Variants in MAD1L1 observed in about 807,000 individuals in gnomAD.
MAD1L1 encodes mitotic spindle assembly checkpoint protein MAD1.
MAD1L1 carries 95 observed loss-of-function variants against 96.9 expected under a neutral mutation model. That is an observed-to-expected ratio of 0.98 (90% CI 0.83 to 1.16). MAD1L1 has a LOEUF of 1.16. Ranked by LOEUF, MAD1L1 falls within the 50% of genes most tolerant of loss-of-function variation. The pLI, the probability that MAD1L1 is intolerant of heterozygous loss-of-function variation, is 0.00. For synonymous variants in MAD1L1, 473 were observed against 396.6 expected (o/e 1.19, Z -2.29); for missense variants, 1,007 against 954.4 (o/e 1.06, Z -0.73).
intron 18 of MAD1L1, among the ~76,000 whole-genome samples, chr7:1,894,452 C>G (rs1786740515): frequency 1.3e-5 from 2 of 152,192 alleles, no homozygotes. Context: ...AACCAGCCAA[C>G]AGGGATCCCG....
intron 11 of MAD1L1, chr7:2,079,746 G>A (rs529758631): frequency 6.8e-5 from 32 of 470,820 alleles, no homozygotes; most frequent in Middle Eastern, 3.2e-4. Flanking sequence ...GGGGAGCCCC[G>A]GCAAGCACGG....
intron 18 of MAD1L1, among the ~76,000 whole-genome samples, chr7:1,866,974 T>C (rs192119949): frequency 3.3e-5 from 5 of 151,528 alleles, no homozygotes; most frequent in Admixed American, 2.0e-4. Flanking sequence ...AGCTCGGAGG[T>C]AGGGGAGGTA....
intron 17 of MAD1L1, among the ~76,000 whole-genome samples, chr7:1,914,027 C>CG (rs920407111): frequency 1.3e-5 from 2 of 152,018 alleles, no homozygotes; most frequent in African/African-American, 4.8e-5. Flanking sequence ...GTCTCCCCCC[C>CG]CAGCACGCCT....
At chr7:1,838,646 G>A in intron 18 of MAD1L1, 1 of 418,542 alleles carries the variant, frequency 2.4e-6, no homozygotes, top group Non-Finnish European at 5.1e-6. Context: ...AGACAACACA[G>A]ACAGCGGCTG....
At chr7:2,179,462 A>G (rs1261003588) in intron 10 of MAD1L1, among the ~76,000 whole-genome samples, 1 of 150,138 alleles carries the variant, frequency 6.7e-6, no homozygotes, top group Non-Finnish European at 1.5e-5. Context: ...CGGGAGGTAG[A>G]GGTTGCAGTG....
chr7:1,913,077 T>G (rs1239952765), intron 17 of MAD1L1, among the ~76,000 whole-genome samples: 1 of 152,240 alleles, frequency 6.6e-6, no homozygotes, highest in Non-Finnish European at 1.5e-5. Flanking sequence ...TCTGTCTGCT[T>G]TCGGCAAGAC....
intron 18 of MAD1L1, among the ~76,000 whole-genome samples, chr7:1,891,664 C>A (rs114577854): frequency 0.018 from 2,755 of 152,302 alleles, 71 homozygotes; most frequent in African/African-American, 0.062. Context: ...ACCGCAGCCT[C>A]TAACTCCTGG....
chr7:2,014,234 G>A (rs891827675), intron 13 of MAD1L1, among the ~76,000 whole-genome samples: 14 of 152,214 alleles, frequency 9.2e-5, no homozygotes, highest in African/African-American at 1.7e-4. Flanking sequence ...ACCAGTCAAA[G>A]GGGCACTGTC....
intron 18 of MAD1L1, among the ~76,000 whole-genome samples, chr7:1,863,124 C>T (rs756444964): frequency 6.6e-6 from 1 of 152,266 alleles, no homozygotes; most frequent in Non-Finnish European, 1.5e-5. Context: ...GAGCCCCAAG[C>T]CCCGCAAGCC....
At chr7:1,911,139 C>T (rs1377549282) in intron 17 of MAD1L1, among the ~76,000 whole-genome samples, 1 of 152,162 alleles carries the variant, frequency 6.6e-6, no homozygotes, top group Admixed American at 6.5e-5. Flanking sequence ...CTCCATCCCC[C>T]GCACCCCTTG....
chr7:2,069,754 G>C (rs1308865716), intron 11 of MAD1L1, among the ~76,000 whole-genome samples: 1 of 152,248 alleles, frequency 6.6e-6, no homozygotes, highest in Admixed American at 6.5e-5. Flanking sequence ...AACATTCTGT[G>C]AGGTTGAAAG....
intron 18 of MAD1L1, among the ~76,000 whole-genome samples, chr7:1,816,608 A>G (rs1760753025): frequency 6.6e-6 from 1 of 152,030 alleles, no homozygotes; most frequent in African/African-American, 2.4e-5. Flanking sequence ...AAGTCCTGCA[A>G]CGCCTTCCAC....
At chr7:1,965,530 G>A (rs759467871) in intron 15 of MAD1L1, among the ~76,000 whole-genome samples, 2 of 152,208 alleles carry the variant, frequency 1.3e-5, no homozygotes, top group Non-Finnish European at 2.9e-5. Context: ...AGCTCAAGGC[G>A]AAGTCCTCCA....
At chr7:2,205,982 A>C (rs1792577414) in intron 10 of MAD1L1, among the ~76,000 whole-genome samples, 1 of 151,990 alleles carries the variant, frequency 6.6e-6, no homozygotes, top group African/African-American at 2.4e-5. Context: ...AAATACAAAA[A>C]TTAGCCGGGT....
rs140665744 is a variant in MAD1L1 at position 2,135,397 on chromosome 7, T to C, written c.1073+13755A>G. Reference sequence around the variant, plus strand: ...TTCCTCTCACTGTCTCGTTTTGTGTTAGAAAATGCATTTTTCATAAATATA... The same window carrying C: ...TTCCTCTCACTGTCTCGTTTTGTGTCAGAAAATGCATTTTTCATAAATATA... On this transcript the variant is annotated intron_variant, in intron 11 of 18. Transcript: ENST00000265854. 3.6e-3 allele frequency among the ~76,000 whole-genome samples: 556 copies of C among 152,390 alleles called. 3 individuals are homozygous for C. Among genetic ancestry groups the C allele is most frequent in the Non-Finnish European group, 6.5e-3 (442 of 68,036 alleles).
intron 14 of MAD1L1, among the ~76,000 whole-genome samples, chr7:1,987,449 C>G (rs774876201): frequency 6.6e-6 from 1 of 152,176 alleles, no homozygotes; most frequent in South Asian, 2.1e-4. Context: ...CTAAGTATCC[C>G]GGATGAAGCG....
intron 11 of MAD1L1, among the ~76,000 whole-genome samples, chr7:2,139,338 CA>C (rs1305670529): frequency 6.6e-6 from 1 of 151,812 alleles, no homozygotes; most frequent in African/African-American, 2.4e-5. Context: ...TCTGAGCTCA[CA>C]GGCTGCAGTC....
intron 18 of MAD1L1, chr7:1,817,182 A>C (rs1298037821): frequency 6.6e-6 from 1 of 152,182 alleles, no homozygotes; most frequent in African/African-American, 2.4e-5. Flanking sequence ...CACTGAGAGC[A>C]ACCACCATGA....
intron 18 of MAD1L1, among the ~76,000 whole-genome samples, chr7:1,892,232 C>A (rs1179145235): frequency 6.6e-6 from 1 of 152,208 alleles, no homozygotes; most frequent in Non-Finnish European, 1.5e-5. Flanking sequence ...CCGGCTAAAC[C>A]ATGCGGCCCA....
Sources: allele counts gnomAD v4.1 joint callset (sites outside exome capture counted in the v4.1 genomes callset), GRCh38; gene constraint gnomAD v4.1.1; transcripts MANE v1.5; gene names NCBI Gene and HGNC (gene_info 2026-07-23, HGNC 2026-07-21).